The following MROH7 variants were observed in gnomAD, a reference collection of about 807,000 sequenced individuals.
The protein encoded by MROH7 is maestro heat-like repeat-containing protein family member 7.
A neutral mutation model predicts 129.2 loss-of-function variants in MROH7; 113 were observed. That is an observed-to-expected ratio of 0.87 (90% CI 0.75 to 1.02). The LOEUF is 1.02. MROH7 is among the 50% of genes least tolerant of loss of function. The probability of loss-of-function intolerance (pLI) is 0.00; values close to 1 mark genes in which losing one functional copy is unlikely to be tolerated. For missense variants in MROH7, 1,601 were observed against 1,671.3 expected (o/e 0.96, Z 0.73); for synonymous variants, 655 against 667.9 (o/e 0.98, Z 0.30).
Position 54,703,099 on chromosome 1 carries a change from A to T in MROH7, c.3564+354A>T, listed in dbSNP as rs190894508. 7.2e-5 allele frequency among the ~76,000 whole-genome samples: 11 copies of T among 152,078 alleles called. No homozygotes were observed. Among genetic ancestry groups the T allele is most frequent in the African/African-American group, 2.2e-4 (9 of 41,490 alleles). Reference sequence around the variant, plus strand: ...TCTCCCTCACCCTCCACATTTGATCAATCTTAAATATCCCGAGTATCTTGG... The same window carrying T: ...TCTCCCTCACCCTCCACATTTGATCTATCTTAAATATCCCGAGTATCTTGG... On this transcript the variant is annotated intron_variant, in intron 21 of 23. Transcript: ENST00000421030. The surrounding 1 kb of genome is among the most constrained non-coding windows in gnomAD (Gnocchi z 4.4).
chr1:54,692,354 CG>C, intron 15 of MROH7, 69 bp from the exon 16 acceptor site: 2 of 1,584,530 alleles, frequency 1.3e-6, no homozygotes, highest in South Asian at 2.3e-5. Flanking sequence ...CAGGAGAGGC[CG>C]GGGTGGAGGG....
intron 1 of MROH7, among the ~76,000 whole-genome samples, chr1:54,645,967 G>A (rs977375307): frequency 1.3e-5 from 2 of 152,214 alleles, no homozygotes; most frequent in Non-Finnish European, 2.9e-5. Flanking sequence ...TTATTTTAAA[G>A]TAGAGAAGTT....
intron 1 of MROH7, among the ~76,000 whole-genome samples, chr1:54,651,027 A>G (rs1644546669): frequency 6.6e-6 from 1 of 151,732 alleles, no homozygotes; most frequent in Non-Finnish European, 1.5e-5. Context: ...ACCCAGCTGC[A>G]CTCCCTGTTT....
intron 14 of MROH7, among the ~76,000 whole-genome samples, chr1:54,684,791 T>C (rs876192): frequency 0.17 from 25,326 of 152,172 alleles, 2,321 homozygotes; most frequent in East Asian, 0.29. Context: ...ATCTGTAAAA[T>C]GGGCTATGAT....
In MROH7 at chr1:54,673,758, A is replaced by T; in HGVS notation, c.1753A>T (p.Thr585Ser). The T allele has an allele frequency of 6.2e-7, 1 of 1,614,160 alleles. No individual in the cohort carries two copies. Residue 585 changes from threonine to serine, a missense_variant, in exon 9 of 24, where the codon ACC becomes TCC. Transcript: ENST00000421030. ...CCATGAGCGAGCACGGGCTGTGAAC[A>T]CCAATGTCTCTGTGTTGAACCACAT... ...KAHERARAVNTNVSVLNHMLL... is the reference protein window; with the variant it reads ...KAHERARAVNSNVSVLNHMLL...
Position 54,653,560 on chromosome 1 carries a change from C to T in MROH7, c.634C>T (p.Leu212Phe). ...LIPTSNSSLD[L>F]DSNPLLNMGS... is the part of the protein sequence containing the mutation. Reference sequence around the variant, plus strand: ...TCCAACCTCAAACTCTTCTCTGGACCTTGACTCCAATCCATTGCTCAACAT... The same window carrying T: ...TCCAACCTCAAACTCTTCTCTGGACTTTGACTCCAATCCATTGCTCAACAT... The change falls in exon 3 of 24, where the codon CTT becomes TTT. Residue 212 changes from leucine to phenylalanine, a missense_variant. Coordinates refer to ENST00000421030, the MANE Select transcript of MROH7 (RefSeq NM_001039464.4). 1 of 1,614,172 alleles carries T rather than the reference C, an allele frequency of 6.2e-7. No individual in the cohort carries two copies. Among genetic ancestry groups the T allele is most frequent in the Non-Finnish European group, 8.5e-7 (1 of 1,180,042 alleles).
Position 54,653,963 on chromosome 1 carries a change from G to A in MROH7, c.1037G>A (p.Ser346Asn). ...TLSLDSSLLF[S>N]DTSTLTLSSQ... is the part of the protein sequence containing the mutation. ...AGCCTGGACTCCAGCCTCCTGTTCA[G>A]CGACACCTCCACCTTGACGCTGAGC... is the stretch of plus-strand genomic sequence containing the variant. Residue 346 changes from serine to asparagine, a missense_variant, in exon 3 of 24, where the codon AGC (serine) becomes AAC (asparagine). Ser to Asn is a conservative substitution (Grantham distance 46). Transcript: ENST00000421030. 6.2e-7 allele frequency: 1 copy of A among 1,614,180 alleles called. No homozygotes were observed. Among genetic ancestry groups the A allele is most frequent in the South Asian group, 1.1e-5 (1 of 91,084 alleles).
At chr1:54,700,270 G>T (rs1349208294) in intron 17 of MROH7, 51 bp from the exon 18 acceptor site, 1 of 1,612,124 alleles carries the variant, frequency 6.2e-7, no homozygotes, top group Non-Finnish European at 8.5e-7. Flanking sequence ...GAGGCCAGGG[G>T]GCTGCCCTGC....
At chr1:54,646,263 C>T (rs150692601) in intron 1 of MROH7, among the ~76,000 whole-genome samples, 272 of 152,372 alleles carry the variant, frequency 1.8e-3, no homozygotes, top group Non-Finnish European at 3.4e-3. Context: ...TGGTCTGTCA[C>T]TGCTCCAGGT....
At position 54,692,409 on chromosome 1, in the gene MROH7, G is replaced by T. The variant is rs1158090830; in HGVS notation, c.2712-15G>T. ...CCCAGGTAGGCATGAGGTCTTAATT[G>T]CCTTGTCTTGGCAGCTGGGTGGTGA... On this transcript the variant is annotated splice_polypyrimidine_tract_variant and intron_variant, in intron 15 of 23. Coordinates refer to ENST00000421030, the MANE Select transcript of MROH7 (RefSeq NM_001039464.4). 6.2e-7 allele frequency: 1 copy of T among 1,613,862 alleles called. No individual in the cohort carries two copies. Among genetic ancestry groups the T allele is most frequent in the African/African-American group, 1.3e-5 (1 of 75,050 alleles).
At position 54,700,321 on chromosome 1, in the gene MROH7, C is replaced by G. The variant is rs1173259415; in HGVS notation, c.2965C>G (p.Leu989Val). 1 of 1,614,138 alleles carries G rather than the reference C, an allele frequency of 6.2e-7. No homozygotes were observed. The highest frequency in any genetic ancestry group is 2.2e-5 in the East Asian group (1 of 44,868). ...RITATAFFVE[L>V]LQMEQVRRIP... Reference sequence around the variant, plus strand: ...AAGTAATGACCCTTTGCTCCCTCAGCTCCTCCAGATGGAGCAGGTGCGCCG... The same window carrying G: ...AAGTAATGACCCTTTGCTCCCTCAGGTCCTCCAGATGGAGCAGGTGCGCCG... The change falls in exon 18 of 24, where the codon CTC (leucine) becomes GTC (valine). Residue 989 changes from leucine (L) to valine (V), a missense_variant and splice_region_variant. Physicochemically the swap from Leu to Val is conservative, Grantham distance 32. Transcript: ENST00000421030.
chr1:54,700,394 A>C lies in MROH7; in HGVS notation c.3038A>C (p.His1013Pro). ...GGGCGGATGGCAGAAGGCCTGAGCCACCACGACCCCATCATGAAGGTGCTG... is the reference window on the plus strand; with the variant it reads ...GGGCGGATGGCAGAAGGCCTGAGCCCCCACGACCCCATCATGAAGGTGCTG... ...SLGRMAEGLS[H>P]HDPIMKVLSI... The change falls in exon 18 of 24, where the codon CAC (histidine) becomes CCC (proline). Residue 1013 changes from histidine (H) to proline (P), a missense_variant. Transcript: ENST00000421030. 1.2e-6 allele frequency: 2 copies of C among 1,613,946 alleles called. No individual in the cohort carries two copies. Among genetic ancestry groups the C allele is most frequent in the Non-Finnish European group, 8.5e-7 (1 of 1,179,920 alleles).
At chr1:54,671,372 C>G (rs1431517826) in intron 7 of MROH7, among the ~76,000 whole-genome samples, 1 of 152,242 alleles carries the variant, frequency 6.6e-6, no homozygotes, top group Non-Finnish European at 1.5e-5. Flanking sequence ...TGCACTCCAG[C>G]CTGGGCGACA....
intron 10 of MROH7, among the ~76,000 whole-genome samples, chr1:54,677,992 C>A (rs1645008417): frequency 6.6e-6 from 1 of 152,112 alleles, no homozygotes; most frequent in Non-Finnish European, 1.5e-5. Flanking sequence ...TAGGGGATTG[C>A]AGTTTAAAAG....
At position 54,653,970 on chromosome 1, in the gene MROH7, C is replaced by G; in HGVS notation, c.1044C>G (p.Thr348=). Residue 348 remains threonine (T), a synonymous_variant, in exon 3 of 24, where the codon ACC becomes ACG. Transcript: ENST00000421030. ...SLDSSLLFSD[T]STLTLSSQQD... is the part of the protein sequence containing the mutation. ...ACTCCAGCCTCCTGTTCAGCGACAC[C>G]TCCACCTTGACGCTGAGCAGTCAGC... The G allele has an allele frequency of 1.2e-6, 2 of 1,614,238 alleles. No homozygotes were observed. Among genetic ancestry groups the G allele is most frequent in the East Asian group, 2.2e-5 (1 of 44,880 alleles).
At chr1:54,702,576 AGTCT>A (rs761676113) in intron 20 of MROH7, 43 bp from the exon 21 acceptor site, 3 of 1,482,628 alleles carry the variant, frequency 2.0e-6, no homozygotes, top group Non-Finnish European at 2.7e-6. Context: ...TCTGGACCAT[AGTCT>A]GGCTGTCCAC....
At chr1:54,701,659 T>C (rs1308108736) in intron 19 of MROH7, among the ~76,000 whole-genome samples, 2 of 152,146 alleles carry the variant, frequency 1.3e-5, no homozygotes, top group South Asian at 2.1e-4. Context: ...CAGCTCGACC[T>C]TCCTGGCTCA....
chr1:54,696,384 A>G (rs1178632451), intron 17 of MROH7, among the ~76,000 whole-genome samples: 1 of 152,186 alleles, frequency 6.6e-6, no homozygotes, highest in Non-Finnish European at 1.5e-5. Flanking sequence ...ACATTAATAC[A>G]TTCATATTGT....
chr1:54,687,044 C>T (rs1304116532), intron 15 of MROH7, among the ~76,000 whole-genome samples: 1 of 141,516 alleles, frequency 7.1e-6, no homozygotes, highest in Non-Finnish European at 1.5e-5. Context: ...AGAGCTGTCT[C>T]CTTATTTATT....
Sources: allele counts gnomAD v4.1 joint callset (sites outside exome capture counted in the v4.1 genomes callset), GRCh38; gene constraint gnomAD v4.1.1; non-coding constraint Gnocchi (gnomAD v3.1); transcripts MANE v1.5; gene names NCBI Gene and HGNC (gene_info 2026-07-23, HGNC 2026-07-21).